The following ATXN2 variants were observed in gnomAD, a reference collection of about 807,000 sequenced individuals.
The protein encoded by ATXN2 is ataxin-2.
ATXN2 carries 37 observed loss-of-function variants against 138.6 expected under a neutral mutation model. The ratio of observed to expected loss-of-function variants is 0.27; its 90% CI spans 0.21 to 0.35. The LOEUF (loss-of-function observed/expected upper bound fraction) is 0.35. Among genes scored for constraint, ATXN2 ranks in the 10% least tolerant of loss-of-function variants. The probability of loss-of-function intolerance (pLI) is 1.00; values close to 1 mark genes in which losing one functional copy is unlikely to be tolerated. For missense variants in ATXN2, 1,216 were observed against 1,480.3 expected, an observed-to-expected ratio of 0.82 and a Z score of 2.93; for synonymous variants, 549 against 543.7, an observed-to-expected ratio of 1.01 and a Z score of -0.13.
chr12:111,473,520 T>C (rs1051498109), intron 18 of ATXN2, among the ~76,000 whole-genome samples: 2 of 152,078 alleles, frequency 1.3e-5, no homozygotes, highest in Admixed American at 6.6e-5. Flanking sequence ...CAGGCAATAA[T>C]TGAAGAAGGG....
intron 20 of ATXN2, among the ~76,000 whole-genome samples, chr12:111,467,760 G>C (rs1168978108): frequency 6.6e-6 from 1 of 152,106 alleles, no homozygotes. Flanking sequence ...AGGCCCCACT[G>C]CTCTTCAAAT....
intron 14 of ATXN2, 149 bp from the exon 15 acceptor site, chr12:111,488,929 T>C (rs1303648513): frequency 7.0e-6 from 5 of 715,852 alleles, no homozygotes; most frequent in African/African-American, 1.8e-5. Context: ...GCTTTTACTA[T>C]AAACTAACAA....
intron 9 of ATXN2, 132 bp downstream of exon 9, chr12:111,518,117 G>A: frequency 1.3e-6 from 1 of 763,778 alleles, no homozygotes. Flanking sequence ...TTTAAGTAAT[G>A]CTGAAGTGAA....
At chr12:111,561,943 C>T (rs2135799080) in intron 1 of ATXN2, among the ~76,000 whole-genome samples, 1 of 151,860 alleles carries the variant, frequency 6.6e-6, no homozygotes, top group African/African-American at 2.4e-5. Context: ...TCCCGAGTAG[C>T]TGGGACTACA....
chr12:111,531,373 A>G (rs1384816014), intron 5 of ATXN2, among the ~76,000 whole-genome samples: 1 of 152,190 alleles, frequency 6.6e-6, no homozygotes, highest in Non-Finnish European at 1.5e-5. Context: ...CGGAGGTTGT[A>G]GTGAGCCAAG....
At chr12:111,589,343 A>T (rs1444029799) in intron 1 of ATXN2, among the ~76,000 whole-genome samples, 4 of 150,726 alleles carry the variant, frequency 2.7e-5, no homozygotes, top group African/African-American at 7.3e-5. Flanking sequence ...ATAATAATTT[A>T]AAAAACCAGC....
intron 15 of ATXN2, 108 bp downstream of exon 15, chr12:111,488,368 T>A (rs1345484605): frequency 3.5e-6 from 4 of 1,156,280 alleles, no homozygotes; most frequent in Non-Finnish European, 4.8e-6. Context: ...ATGTATAAAG[T>A]AGTCTAAAAG....
Position 111,453,125 on chromosome 12 carries a change from G to A in ATXN2, c.3440-285C>T. 8.0e-7 allele frequency: 1 copy of A among 1,242,768 alleles called. No individual in the cohort carries two copies. Among genetic ancestry groups the A allele is most frequent in the Non-Finnish European group, 1.0e-6 (1 of 991,796 alleles). The allele number at this position is 1,242,768 out of a possible 1,614,324, so 77.0% of individuals were successfully genotyped here. On this transcript the variant is annotated intron_variant, in intron 24 of 24. Coordinates refer to ENST00000673436, the MANE Select transcript of ATXN2 (RefSeq NM_001372574.1). The surrounding 1 kb of genome is among the most constrained non-coding windows in gnomAD (Gnocchi z 5.4). ...AACCCCCTCCCCAAATATTAGCCAA[G>A]CACCAGTATTGCTTTCAGAATAACA...
At chr12:111,553,085 G>A in intron 3 of ATXN2, 108 bp from the exon 4 acceptor site, 3 of 577,610 alleles carry the variant, frequency 5.2e-6, no homozygotes, top group South Asian at 4.2e-5. Context: ...TTCAATATTA[G>A]GTATTCACTA....
chr12:111,585,734 G>A (rs1181471887), intron 1 of ATXN2, among the ~76,000 whole-genome samples: 1 of 144,918 alleles, frequency 6.9e-6, no homozygotes, highest in Non-Finnish European at 1.5e-5. Flanking sequence ...CCTGGGAGGC[G>A]GAACTACAGT....
chr12:111,525,355 G>A, intron 5 of ATXN2, 39 bp from the exon 6 acceptor site: 1 of 1,508,826 alleles, frequency 6.6e-7, no homozygotes. Context: ...TATATAATCT[G>A]GCAATCAGTT....
intron 20 of ATXN2, 26 bp downstream of exon 20, chr12:111,470,082 G>A: frequency 6.2e-7 from 1 of 1,610,480 alleles, no homozygotes; most frequent in African/African-American, 1.3e-5. Flanking sequence ...ACACACACTG[G>A]AAGAGACAAA....
intron 18 of ATXN2, chr12:111,478,965 C>T (rs976969594): frequency 3.5e-5 from 8 of 228,114 alleles, no homozygotes; most frequent in Admixed American, 1.1e-4. Context: ...GCTGAAATCA[C>T]GCCACTGAAC....
At position 111,453,525 on chromosome 12, in the gene ATXN2, C is replaced by CTGA; in HGVS notation, c.3439+149_3439+151dup. The CTGA allele has an allele frequency of 1.4e-6, 2 of 1,387,258 alleles. No individual in the cohort carries two copies. Among genetic ancestry groups the CTGA allele is most frequent in the South Asian group, 1.7e-5 (1 of 58,734 alleles). The allele number at this position is 1,387,258 out of a possible 1,614,324, so 85.9% of individuals were successfully genotyped here. On this transcript the variant is annotated intron_variant, in intron 24 of 24. Transcript: ENST00000673436. The surrounding 1 kb of genome is among the most constrained non-coding windows in gnomAD (Gnocchi z 5.4). Reference sequence around the variant, plus strand: ...GGAAGCCTCAGGCCCTGATGCTGAACTGATCGTCACAGTCCCTCCTGTGCA... The same window carrying CTGA: ...GGAAGCCTCAGGCCCTGATGCTGAACTGATGATCGTCACAGTCCCTCCTGTGCA...
At chr12:111,522,799 A>G (rs1219357786) in intron 6 of ATXN2, among the ~76,000 whole-genome samples, 1 of 152,100 alleles carries the variant, frequency 6.6e-6, no homozygotes, top group African/African-American at 2.4e-5. Context: ...TTGTAGTCCC[A>G]GCTACTCAGA....
chr12:111,523,273 A>G (rs1880291497), intron 6 of ATXN2, among the ~76,000 whole-genome samples: 1 of 152,118 alleles, frequency 6.6e-6, no homozygotes, highest in Non-Finnish European at 1.5e-5. Context: ...GTGTTCTGCA[A>G]TGTGCTTTTT....
intron 6 of ATXN2, among the ~76,000 whole-genome samples, chr12:111,522,908 C>T (rs751034729): frequency 1.3e-5 from 2 of 151,326 alleles, no homozygotes; most frequent in Non-Finnish European, 2.9e-5. Context: ...AGCAAGACTC[C>T]GTCTCAAAAA....
At position 111,596,070 on chromosome 12, in the gene ATXN2, C is replaced by G. The variant is rs757533882; in HGVS notation, c.251+2714G>C. On this transcript the variant is annotated intron_variant, in intron 1 of 24. Transcript: ENST00000673436. ...AAAAAATTAGCCAGGTGTGGTAGCA[C>G]GAACCTGTAATCCCAGCTACTGGGG... Among the ~76,000 whole-genome samples, 122 of 152,176 alleles carry G rather than the reference C, an allele frequency of 8.0e-4. 1 individual carries two copies. The highest frequency in any genetic ancestry group is 8.2e-4 in the Non-Finnish European group (56 of 68,018).
At chr12:111,520,543 C>T (rs1393214296) in intron 7 of ATXN2, among the ~76,000 whole-genome samples, 3 of 152,126 alleles carry the variant, frequency 2.0e-5, no homozygotes, top group Non-Finnish European at 4.4e-5. Flanking sequence ...CCCAGCTACT[C>T]GGGAGGCTGA....
Sources: gnomAD v4.1 joint callset for allele counts (sites outside exome capture counted in the v4.1 genomes callset) on GRCh38, gnomAD v4.1.1 for gene constraint, Gnocchi (gnomAD v3.1) non-coding constraint, MANE v1.5 for transcripts, NCBI Gene and HGNC (gene_info 2026-07-23, HGNC 2026-07-21) for gene names.